The following POM121 variants were observed in gnomAD, a reference collection of about 807,000 sequenced individuals.
POM121 encodes the protein nuclear envelope pore membrane protein POM 121.
In POM121, 32 loss-of-function variants were observed where a neutral mutation model predicts 81.3. That is an observed-to-expected ratio of 0.39 (90% CI 0.30 to 0.53). The LOEUF (loss-of-function observed/expected upper bound fraction) is 0.53. Ranked by LOEUF, POM121 falls within the 20% of genes least tolerant of loss-of-function variation. POM121 has a pLI of 0.66. For missense variants in POM121, 1,138 were observed against 1,614.6 expected (o/e 0.70, Z 5.06); for synonymous variants, 514 against 694.2 (o/e 0.74, Z 4.08).
upstream of POM121, chr7:72,925,084 C>T: frequency 4.3e-6 from 6 of 1,383,248 alleles, no homozygotes; most frequent in Non-Finnish European, 5.5e-6. Context: ...GCGGTGCACG[C>T]TGGGATATTT....
chr7:72,922,317 T>C (rs1213930764), upstream of POM121, among the ~76,000 whole-genome samples: 1 of 152,210 alleles, frequency 6.6e-6, no homozygotes, highest in Non-Finnish European at 1.5e-5. Context: ...TTTGGTTATA[T>C]GTATTAGAGT....
At chr7:72,880,436 C>T (rs1790025514) in intron 1 of POM121, among the ~76,000 whole-genome samples, 2 of 152,020 alleles carry the variant, frequency 1.3e-5, no homozygotes, top group South Asian at 2.1e-4. Flanking sequence ...CTCCCGTATC[C>T]TAGTTTTCTT....
At chr7:72,886,302 T>C (rs1554490047) in intron 1 of POM121, among the ~76,000 whole-genome samples, 2 of 152,030 alleles carry the variant, frequency 1.3e-5, no homozygotes, top group Admixed American at 1.3e-4. Context: ...GCCTCCTGGG[T>C]AGCTGGGATT....
At chr7:72,923,584 G>A (rs1586141208), upstream of POM121, among the ~76,000 whole-genome samples, 1 of 146,402 alleles carries the variant, frequency 6.8e-6, no homozygotes, top group Non-Finnish European at 1.5e-5. Flanking sequence ...CACCACGCCC[G>A]GCTAATTTTT....
chr7:72,944,819 G>A (rs1318057780), intron 11 of POM121, among the ~76,000 whole-genome samples: 1 of 152,120 alleles, frequency 6.6e-6, no homozygotes, highest in Non-Finnish European at 1.5e-5. Context: ...GGGGGTGGCA[G>A]GGTTGAGGGG....
At chr7:72,932,496 A>G (rs1304035506) in intron 5 of POM121, among the ~76,000 whole-genome samples, 4 of 152,084 alleles carry the variant, frequency 2.6e-5, no homozygotes, top group Admixed American at 2.0e-4. Flanking sequence ...TTCTGCTATC[A>G]CAAATAATGC....
Position 72,929,950 on chromosome 7 carries a change from CTGAAG to C in POM121, c.1115_1119del (p.Leu372GlnfsTer10). On this transcript the variant is annotated frameshift_variant, in exon 5 of 13. Coordinates refer to ENST00000434423, the MANE Select transcript of POM121 (RefSeq NM_001387691.1). LOFTEE classifies it high-confidence loss of function. ...CTTCTCTTTTATTAGGCCTGGGTCT[CTGAAG>C]AGAGGCCTCAATTCTCAGAGCTCAG... The C allele has an allele frequency of 6.2e-7, 1 of 1,606,830 alleles. No individual in the cohort carries two copies. The highest frequency in any genetic ancestry group is 1.1e-5 in the South Asian group (1 of 90,732).
At chr7:72,895,550 C>T (rs1172786136) in intron 3 of POM121, among the ~76,000 whole-genome samples, 2 of 152,178 alleles carry the variant, frequency 1.3e-5, no homozygotes, top group South Asian at 2.1e-4. Flanking sequence ...TTTGATATTC[C>T]TGATTGCCAT....
intron 3 of POM121, among the ~76,000 whole-genome samples, chr7:72,896,921 CTA>C (rs1206124520): frequency 1.3e-5 from 2 of 152,258 alleles, no homozygotes; most frequent in Non-Finnish European, 2.9e-5. Flanking sequence ...AAGATGGACA[CTA>C]AAATATATGT....
intron 7 of POM121, among the ~76,000 whole-genome samples, 177 bp downstream of exon 7, chr7:72,939,586 G>A (rs1166244865): frequency 3.9e-5 from 6 of 152,202 alleles, no homozygotes; most frequent in Admixed American, 6.5e-5. Context: ...AGGGAGAAAG[G>A]CTACAGACAG....
intron 1 of POM121, among the ~76,000 whole-genome samples, chr7:72,881,224 C>T (rs1432987204): frequency 6.6e-6 from 1 of 151,968 alleles, no homozygotes; most frequent in Non-Finnish European, 1.5e-5. Context: ...GACACTATGC[C>T]TGGCTAATTT....
chr7:72,936,360 A>C (rs1459103473), intron 5 of POM121, among the ~76,000 whole-genome samples: 7 of 150,846 alleles, frequency 4.6e-5, no homozygotes, highest in African/African-American at 1.7e-4. Flanking sequence ...TTTGAGACGG[A>C]GTCTTGCTCT....
At chr7:72,929,546 T>TA (rs1352555458) in intron 4 of POM121, among the ~76,000 whole-genome samples, 4 of 152,178 alleles carry the variant, frequency 2.6e-5, no homozygotes, top group Non-Finnish European at 5.9e-5. Flanking sequence ...CGTACTTGTT[T>TA]AAAGCATGTG....
Position 72,943,440 on chromosome 7 carries a change from G to C in POM121, c.3447G>C (p.Gln1149His), listed in dbSNP as rs1554502454. Residue 1149 changes from glutamine to histidine, a missense_variant, in exon 11 of 13, where the codon CAG becomes CAC. Physicochemically the swap from Gln to His is conservative, Grantham distance 24. Coordinates refer to ENST00000434423, the MANE Select transcript of POM121 (RefSeq NM_001387691.1). ...TSTPFAGGLG[Q>H]NALGTTGQST... ...CCCCCTTCGCAGGGGGCTTAGGTCA[G>C]AACGCCCTGGGCACCACCGGCCAGA... The C allele has an allele frequency of 1.2e-6, 2 of 1,612,894 alleles. No individual in the cohort carries two copies. Among genetic ancestry groups the C allele is most frequent in the Non-Finnish European group, 1.7e-6 (2 of 1,179,720 alleles).
intron 3 of POM121, among the ~76,000 whole-genome samples, chr7:72,913,299 T>C (rs1263442931): frequency 3.3e-5 from 5 of 152,226 alleles, no homozygotes; most frequent in Admixed American, 2.0e-4. Context: ...CGTCGGGACA[T>C]GCCGTGTGCC....
intron 1 of POM121, among the ~76,000 whole-genome samples, chr7:72,889,694 T>C (rs562383943): frequency 6.6e-6 from 1 of 152,316 alleles, no homozygotes; most frequent in East Asian, 1.9e-4. Flanking sequence ...AATTTTTATT[T>C]TTAGCAGAGA....
chr7:72,928,165 G>A (rs1461179954), intron 3 of POM121, among the ~76,000 whole-genome samples: 2 of 151,924 alleles, frequency 1.3e-5, no homozygotes, highest in Admixed American at 6.6e-5. Flanking sequence ...AGCCAAGATC[G>A]TGCTATTGCA....
intron 3 of POM121, among the ~76,000 whole-genome samples, chr7:72,912,284 G>A (rs577769395): frequency 2.0e-5 from 3 of 152,334 alleles, no homozygotes; most frequent in Admixed American, 6.5e-5. Flanking sequence ...AAAGATAGGC[G>A]AGATACAGCC....
At position 72,925,131 on chromosome 7, in the gene POM121, G is replaced by T. The variant is rs1554496781; in HGVS notation, c.10G>T (p.Ala4Ser). 1 of 1,433,302 alleles carries T rather than the reference G, an allele frequency of 7.0e-7. No individual in the cohort carries two copies. Among genetic ancestry groups the T allele is most frequent in the Non-Finnish European group, 9.0e-7 (1 of 1,106,616 alleles). 88.8% of individuals were successfully genotyped at this position (1,433,302 alleles called of 1,614,324 possible). The change falls in exon 1 of 13, where the codon GCG becomes TCG. Residue 4 changes from alanine (A) to serine (S), a missense_variant. By Grantham distance (99) the Ala-to-Ser change is moderately conservative. Transcript: ENST00000434423. ...GCGGCGCGGAGCCGCGATGTCTCCG[G>T]CGGCTGCGGCGGCTGGAGCAGGCGA... MSP[A>S]AAAAGAGERR... is the part of the protein sequence containing the mutation.
Sources: allele counts gnomAD v4.1 joint callset (sites outside exome capture counted in the v4.1 genomes callset), GRCh38; gene constraint gnomAD v4.1.1; transcripts MANE v1.5; gene names NCBI Gene and HGNC (gene_info 2026-07-23, HGNC 2026-07-21).